Variants in ATP6V0E1 observed in about 807,000 individuals in gnomAD.
ATP6V0E1 encodes the protein ATPase H+ transporting V0 subunit e1.
Under a neutral mutation model 11.6 loss-of-function variants are expected in ATP6V0E1, and 4 were observed. That is an observed-to-expected ratio of 0.35 (90% confidence interval 0.17 to 0.79). The LOEUF is 0.79. ATP6V0E1 is among the 30% of genes least tolerant of loss of function. The pLI, the probability that ATP6V0E1 is intolerant of heterozygous loss-of-function variation, is 0.54. For missense variants in ATP6V0E1, 105 were observed against 100.0 expected, an observed-to-expected ratio of 1.05 and a Z score of -0.21; for synonymous variants, 36 against 34.8, an observed-to-expected ratio of 1.04 and a Z score of -0.13.
chr5:172,985,444 A>G (rs1755882526), intron 1 of ATP6V0E1, among the ~76,000 whole-genome samples: 1 of 152,108 alleles, frequency 6.6e-6, no homozygotes, highest in Non-Finnish European at 1.5e-5. Flanking sequence ...ATATGGGGTC[A>G]TCTCTCCTAC....
chr5:172,999,588 A>C (rs1411510980), intron 2 of ATP6V0E1, among the ~76,000 whole-genome samples: 1 of 152,176 alleles, frequency 6.6e-6, no homozygotes, highest in Non-Finnish European at 1.5e-5. Context: ...CAGCCTTCCA[A>C]AGTGCTAGGA....
At chr5:173,023,080 C>T (rs1356782184) in intron 3 of ATP6V0E1, among the ~76,000 whole-genome samples, 1 of 151,918 alleles carries the variant, frequency 6.6e-6, no homozygotes, top group Non-Finnish European at 1.5e-5. Context: ...TGGTCTCAAA[C>T]TCCTGGGCTC....
chr5:173,024,215 AAG>A (rs1491088975), intron 3 of ATP6V0E1, among the ~76,000 whole-genome samples: 48 of 142,242 alleles, frequency 3.4e-4, no homozygotes, highest in South Asian at 1.2e-3. Context: ...AAAAAAAAAA[AAG>A]AAAGAAATAC....
At chr5:172,984,087 G>C in intron 1 of ATP6V0E1, 123 bp downstream of exon 1, 1 of 926,166 alleles carries the variant, frequency 1.1e-6, no homozygotes, top group South Asian at 1.4e-5. Flanking sequence ...GCGCTGCAGA[G>C]TCAGGCCCCC....
At chr5:173,002,624 T>A (rs764053786) in intron 2 of ATP6V0E1, among the ~76,000 whole-genome samples, 1 of 152,238 alleles carries the variant, frequency 6.6e-6, no homozygotes. Context: ...CTGATTTTTC[T>A]TTGTATTATT....
intron 3 of ATP6V0E1, among the ~76,000 whole-genome samples, chr5:173,024,517 A>G (rs1271439744): frequency 6.6e-6 from 1 of 151,686 alleles, no homozygotes; most frequent in Admixed American, 6.6e-5. Context: ...CCTCTTCTAT[A>G]TTTTCTGTCC....
At chr5:173,014,155 C>A (rs1756369728) in intron 2 of ATP6V0E1, among the ~76,000 whole-genome samples, 1 of 136,374 alleles carries the variant, frequency 7.3e-6, no homozygotes, top group African/African-American at 2.7e-5. Context: ...AGGGAGACTC[C>A]ATCTTAAAAA....
intron 1 of ATP6V0E1, among the ~76,000 whole-genome samples, chr5:172,992,412 C>T (rs1396496460): frequency 6.6e-6 from 1 of 152,150 alleles, no homozygotes; most frequent in Non-Finnish European, 1.5e-5. Flanking sequence ...TCAGAGGCCA[C>T]ATGGTACCTC....
chr5:173,011,175 C>CTTTTT (rs754605378), intron 2 of ATP6V0E1, among the ~76,000 whole-genome samples: 10 of 114,700 alleles, frequency 8.7e-5, no homozygotes, highest in African/African-American at 2.2e-4. Context: ...CCTGATTTAT[C>CTTTTT]TTTTTTTTTT....
intron 3 of ATP6V0E1, chr5:173,021,077 T>C: frequency 2.7e-6 from 1 of 372,276 alleles, no homozygotes; most frequent in Non-Finnish European, 5.3e-6. Context: ...CACCCGTATC[T>C]GTTTGGCTTC....
At chr5:173,011,475 C>T (rs1351457350) in intron 2 of ATP6V0E1, among the ~76,000 whole-genome samples, 2 of 152,134 alleles carry the variant, frequency 1.3e-5, no homozygotes, top group Non-Finnish European at 2.9e-5. Flanking sequence ...TGAGCCACTG[C>T]ACCTGGCCTG....
At chr5:173,006,646 C>G (rs998282931) in intron 2 of ATP6V0E1, among the ~76,000 whole-genome samples, 8 of 152,122 alleles carry the variant, frequency 5.3e-5, no homozygotes, top group African/African-American at 1.9e-4. Flanking sequence ...ACACTCTACT[C>G]TGGATGGGCC....
At chr5:173,033,719 C>T (rs1227375348) in intron 3 of ATP6V0E1, among the ~76,000 whole-genome samples, 3 of 152,082 alleles carry the variant, frequency 2.0e-5, no homozygotes, top group Non-Finnish European at 2.9e-5. Context: ...TGGCGTGCAC[C>T]TGTAGTTCCA....
intron 3 of ATP6V0E1, among the ~76,000 whole-genome samples, chr5:173,032,252 T>A (rs893375710): frequency 1.6e-5 from 2 of 122,362 alleles, no homozygotes; most frequent in Non-Finnish European, 3.7e-5. Context: ...TATTTTATTT[T>A]ATTTATTTAT....
At chr5:173,017,250 C>T (rs1404378866) in intron 2 of ATP6V0E1, among the ~76,000 whole-genome samples, 1 of 152,122 alleles carries the variant, frequency 6.6e-6, no homozygotes, top group East Asian at 1.9e-4. Flanking sequence ...AAAGTGATTC[C>T]CTGCTGGGCG....
intron 1 of ATP6V0E1, among the ~76,000 whole-genome samples, chr5:172,993,082 G>A (rs993172489): frequency 1.3e-5 from 2 of 152,106 alleles, no homozygotes; most frequent in African/African-American, 4.8e-5. Context: ...ACAGGCGTGA[G>A]CCACCACGCC....
rs1356887143 is a variant in ATP6V0E1, at chr5:173,011,372, C to CG, written c.153-8862dup. 3.3e-5 allele frequency among the ~76,000 whole-genome samples: 5 copies of CG among 151,834 alleles called. No individual in the cohort carries two copies. In the East Asian group the frequency reaches 9.7e-4, roughly 29 times the overall value. ...GAAAAAAAATTTTTTTTTATAGAGA[C>CG]GGGGTCTCGCCATGTTGCTCAGGCT... is the stretch of plus-strand genomic sequence containing the variant. On this transcript the variant is annotated intron_variant, in intron 2 of 3. Coordinates refer to ENST00000519374, the MANE Select transcript of ATP6V0E1 (RefSeq NM_003945.4).
chr5:173,020,399 T>C (rs768389066), intron 3 of ATP6V0E1, 32 bp downstream of exon 3: 59 of 1,315,324 alleles, frequency 4.5e-5, no homozygotes, highest in Non-Finnish European at 5.9e-5. Context: ...CTTATCAGTA[T>C]GGTCAGGCAG....
chr5:172,989,963 A>G (rs1368372630), intron 1 of ATP6V0E1, among the ~76,000 whole-genome samples: 1 of 152,122 alleles, frequency 6.6e-6, no homozygotes, highest in Non-Finnish European at 1.5e-5. Flanking sequence ...AGCCTCCAGC[A>G]TAGCTGGGAC....
Sources: allele counts gnomAD v4.1 joint callset (sites outside exome capture counted in the v4.1 genomes callset), GRCh38; gene constraint gnomAD v4.1.1; transcripts MANE v1.5; gene names NCBI Gene and HGNC (gene_info 2026-07-23, HGNC 2026-07-21).